MYRIP: variants seen among roughly 807,000 people sequenced by gnomAD.
The protein encoded by MYRIP is myosin VIIA and Rab interacting protein.
MYRIP carries 49 observed loss-of-function variants against 98.0 expected under a neutral mutation model. That is an observed-to-expected ratio of 0.50 (90% CI 0.40 to 0.63). The LOEUF is 0.63. MYRIP is among the 30% of genes least tolerant of loss of function. The pLI, the probability that MYRIP is intolerant of heterozygous loss-of-function variation, is 0.00. For missense variants in MYRIP, 1,004 were observed against 1,058.2 expected (o/e 0.95, Z 0.71); for synonymous variants, 404 against 409.5 (o/e 0.99, Z 0.16).
At chr3:40,004,468 T>C (rs1321371311) in intron 2 of MYRIP, among the ~76,000 whole-genome samples, 3 of 152,204 alleles carry the variant, frequency 2.0e-5, no homozygotes, top group African/African-American at 7.2e-5. Context: ...ACTTTGTATT[T>C]TTAATTTTAT....
chr3:40,209,329 T>C (rs909863552), intron 10 of MYRIP: 1 of 152,786 alleles, frequency 6.5e-6, no homozygotes, highest in African/African-American at 2.4e-5. Context: ...ATTGTATATT[T>C]GGAATGTTCT....
At chr3:40,186,273 G>A (rs908731327) in intron 9 of MYRIP, among the ~76,000 whole-genome samples, 1 of 152,056 alleles carries the variant, frequency 6.6e-6, no homozygotes, top group African/African-American at 2.4e-5. Flanking sequence ...AGCCATGCTC[G>A]GAGTCCACTT....
At chr3:39,886,851 T>C (rs1269527066) in intron 1 of MYRIP, among the ~76,000 whole-genome samples, 2 of 152,088 alleles carry the variant, frequency 1.3e-5, no homozygotes, top group Non-Finnish European at 2.9e-5. Flanking sequence ...AATAGACATC[T>C]ACAGAACTCT....
Position 39,877,106 on chromosome 3 carries a change from T to C in MYRIP, c.-30-23681T>C, listed in dbSNP as rs143726952. Among the ~76,000 whole-genome samples, 1,381 of 152,338 alleles carry C rather than the reference T, an allele frequency of 9.1e-3. 23 individuals carry two copies. The highest frequency in any genetic ancestry group is 0.032 in the African/African-American group (1,324 of 41,566). On this transcript the variant is annotated intron_variant, in intron 1 of 16. Transcript: ENST00000302541. ...TTTCATTCATTTGATCTTCCATCAC[T>C]GATACCCTTTCTTCCAGTTGATCGC...
At chr3:40,169,904 G>A (rs1014499368) in intron 7 of MYRIP, 46 bp from the exon 8 acceptor site, 2 of 1,612,654 alleles carry the variant, frequency 1.2e-6, no homozygotes, top group Non-Finnish European at 8.5e-7. Context: ...ATAGCATCAG[G>A]AGGCCTCTCC....
intron 2 of MYRIP, among the ~76,000 whole-genome samples, chr3:40,025,723 C>T (rs973054874): frequency 7.9e-5 from 12 of 152,042 alleles, no homozygotes; most frequent in African/African-American, 1.4e-4. Flanking sequence ...GGTAGGTCCA[C>T]GATGCCTACC....
chr3:39,995,358 G>A (rs972471630), intron 2 of MYRIP, among the ~76,000 whole-genome samples: 6 of 152,218 alleles, frequency 3.9e-5, no homozygotes, highest in Non-Finnish European at 5.9e-5. Context: ...TGATGGAGCT[G>A]AAAACCATGG....
In MYRIP at chr3:40,192,174, C is replaced by G. The variant is rs148091171; in HGVS notation, c.1665+1711C>G. Among the ~76,000 whole-genome samples, 571 of 149,728 alleles carry G rather than the reference C, an allele frequency of 3.8e-3. 1 individual carries two copies. Among genetic ancestry groups the G allele is most frequent in the African/African-American group, 0.014 (549 of 40,612 alleles). On this transcript the variant is annotated intron_variant, in intron 10 of 16. Transcript: ENST00000302541. ...GTCTCACTGTGTTGCCCAGGCTGGT[C>G]TCAAGCTCCTGGGCTCAAACGATCC... is the stretch of plus-strand genomic sequence containing the variant.
rs529563355 is a variant in MYRIP at position 40,229,395 on chromosome 3, G to A, written c.1906-4464G>A. ...AAACGATAGAGTTGAGATGAATTGC[G>A]CAGGGCACGAGTTGGTCATATTCAC... is the stretch of plus-strand genomic sequence containing the variant. On this transcript the variant is annotated intron_variant, in intron 11 of 16. Coordinates refer to ENST00000302541, the MANE Select transcript of MYRIP (RefSeq NM_015460.4). Among the ~76,000 whole-genome samples, 15 of 152,258 alleles carry A rather than the reference G, an allele frequency of 9.9e-5. 1 individual carries two copies. The highest frequency in any genetic ancestry group is 6.8e-3 in the Middle Eastern group (2 of 294).
At chr3:39,898,724 T>G (rs1259229321) in intron 1 of MYRIP, among the ~76,000 whole-genome samples, 1 of 152,084 alleles carries the variant, frequency 6.6e-6, no homozygotes, top group Non-Finnish European at 1.5e-5. Context: ...ATGTATAAAT[T>G]TACATATACA....
At position 39,999,863 on chromosome 3, in the gene MYRIP, C is replaced by T. The variant is rs574298496; in HGVS notation, c.111-44187C>T. Reference sequence around the variant, plus strand: ...ATGCAGCCATAAAAAATGATGAGTTCATGTCCTTTGTAGGGACATGGATGA... The same window carrying T: ...ATGCAGCCATAAAAAATGATGAGTTTATGTCCTTTGTAGGGACATGGATGA... On this transcript the variant is annotated intron_variant, in intron 2 of 16. Coordinates refer to ENST00000302541, the MANE Select transcript of MYRIP (RefSeq NM_015460.4). 1.8e-3 allele frequency among the ~76,000 whole-genome samples: 276 copies of T among 152,100 alleles called. 1 individual carries two copies. The highest frequency in any genetic ancestry group is 6.4e-3 in the African/African-American group (264 of 41,488).
intron 3 of MYRIP, among the ~76,000 whole-genome samples, chr3:40,123,400 G>A (rs990087879): frequency 1.3e-5 from 2 of 152,182 alleles, no homozygotes; most frequent in African/African-American, 4.8e-5. Flanking sequence ...TGAAAATGGG[G>A]CCTCAGCTGG....
chr3:39,818,591 C>CA lies in MYRIP; in HGVS notation c.-31+8676dup, dbSNP rs1304107528. Among the ~76,000 whole-genome samples, 9 of 151,072 alleles carry CA rather than the reference C, an allele frequency of 6.0e-5. No individual in the cohort carries two copies. The South Asian group carries it at 1.7e-3, about 28-fold the overall frequency. On this transcript the variant is annotated intron_variant, in intron 1 of 16. Transcript: ENST00000302541. ...TTTTAACTACTAAATACCTTTCCATCATATGAAATAACATATTTTATTAAT... is the reference window on the plus strand; with the variant it reads ...TTTTAACTACTAAATACCTTTCCATCAATATGAAATAACATATTTTATTAAT...
At chr3:39,941,505 G>GTATA (rs555537738) in intron 2 of MYRIP, among the ~76,000 whole-genome samples, 38 of 151,012 alleles carry the variant, frequency 2.5e-4, no homozygotes, top group African/African-American at 9.1e-4. Context: ...GTGTGTGTGT[G>GTATA]TGTGTATATA....
chr3:39,828,872 A>C (rs748778138), intron 1 of MYRIP, among the ~76,000 whole-genome samples: 1 of 152,138 alleles, frequency 6.6e-6, no homozygotes, highest in Non-Finnish European at 1.5e-5. Context: ...TTATCCACTC[A>C]TTGATTGATG....
At chr3:40,009,031 A>G (rs554796619) in intron 2 of MYRIP, among the ~76,000 whole-genome samples, 1 of 152,178 alleles carries the variant, frequency 6.6e-6, no homozygotes, top group Non-Finnish European at 1.5e-5. Flanking sequence ...ACAGAAGCCA[A>G]GACAAATGGA....
rs371456239 is a variant in MYRIP, at chr3:39,871,454, A to G, written c.-30-29333A>G. Among the ~76,000 whole-genome samples the G allele has an allele frequency of 5.7e-4, 87 of 152,348 alleles. 4 individuals carry two copies. The Middle Eastern group carries it at 0.017, about 30-fold the overall frequency. ...TTCTTCTTATAATCAATCTTTGAAC[A>G]GCAGAGTGGGATGGCAAACAGGTTA... On this transcript the variant is annotated intron_variant, in intron 1 of 16. Coordinates refer to ENST00000302541, the MANE Select transcript of MYRIP (RefSeq NM_015460.4).
chr3:40,150,886 C>T (rs1306580638), intron 3 of MYRIP, among the ~76,000 whole-genome samples, 162 bp from the exon 4 acceptor site: 1 of 152,230 alleles, frequency 6.6e-6, no homozygotes, highest in African/African-American at 2.4e-5. Flanking sequence ...CACAACATCA[C>T]TTTCACTATT....
At chr3:40,185,272 C>T (rs936157431) in intron 9 of MYRIP, among the ~76,000 whole-genome samples, 23 of 152,320 alleles carry the variant, frequency 1.5e-4, no homozygotes, top group African/African-American at 5.5e-4. Flanking sequence ...CTTGACGCTG[C>T]TTATAGCAGT....
Sources: allele counts gnomAD v4.1 joint callset (sites outside exome capture counted in the v4.1 genomes callset), GRCh38; gene constraint gnomAD v4.1.1; transcripts MANE v1.5; gene names NCBI Gene and HGNC (gene_info 2026-07-23, HGNC 2026-07-21).